Variants in SPON1 observed in about 807,000 individuals in gnomAD.
SPON1 encodes spondin-1.
SPON1 carries 52 observed loss-of-function variants against 111.7 expected under a neutral mutation model. The observed-to-expected ratio is 0.47, with a 90% CI of 0.37 to 0.59. The LOEUF (loss-of-function observed/expected upper bound fraction) is 0.59, where lower values mean the gene tolerates loss of function less well. Among genes scored for constraint, SPON1 ranks in the 20% least tolerant of loss-of-function variants. The probability of loss-of-function intolerance (pLI) is 0.00; values close to 1 mark genes in which losing one functional copy is unlikely to be tolerated. For missense variants in SPON1, 957 were observed against 1,068.5 expected, an observed-to-expected ratio of 0.90 and a Z score of 1.46; for synonymous variants, 410 against 395.8, an observed-to-expected ratio of 1.04 and a Z score of -0.43.
At chr11:14,256,816 G>A in intron 10 of SPON1, 124 bp downstream of exon 10, 2 of 722,048 alleles carry the variant, frequency 2.8e-6, no homozygotes, top group South Asian at 3.8e-5. Flanking sequence ...ATATCTCTGA[G>A]GATTTCTCCT....
intron 2 of SPON1, among the ~76,000 whole-genome samples, chr11:13,990,828 T>C (rs929491372): frequency 1.3e-5 from 2 of 152,216 alleles, no homozygotes; most frequent in South Asian, 4.1e-4. Flanking sequence ...CCTTCACTTA[T>C]GAAGCTTAGT....
intron 3 of SPON1, among the ~76,000 whole-genome samples, chr11:14,060,987 G>A (rs882667): frequency 0.55 from 84,184 of 151,910 alleles, 24,039 homozygotes; most frequent in African/African-American, 0.68. Context: ...AATAAATAGT[G>A]ACACAAGGTT....
chr11:14,237,646 C>T (rs1554939324), intron 6 of SPON1, among the ~76,000 whole-genome samples: 1 of 152,230 alleles, frequency 6.6e-6, no homozygotes, highest in African/African-American at 2.4e-5. Flanking sequence ...GTGTGTGTGG[C>T]TGCGTATCAC....
chr11:13,985,320 A>T (rs1196655655), intron 2 of SPON1, among the ~76,000 whole-genome samples: 1 of 152,240 alleles, frequency 6.6e-6, no homozygotes, highest in Admixed American at 6.5e-5. Context: ...TATGATAACG[A>T]CAATAGCTAA....
intron 3 of SPON1, among the ~76,000 whole-genome samples, chr11:14,046,279 T>C (rs1260529325): frequency 1.3e-5 from 2 of 152,174 alleles, no homozygotes; most frequent in African/African-American, 4.8e-5. Context: ...TTTCTCTAAT[T>C]CCTTGTGGAC....
At chr11:14,248,542 A>G (rs1849018491) in intron 7 of SPON1, among the ~76,000 whole-genome samples, 1 of 152,250 alleles carries the variant, frequency 6.6e-6, no homozygotes, top group African/African-American at 2.4e-5. Context: ...ACTCGGCGCT[A>G]CTGGCTTGTT....
At position 14,168,725 on chromosome 11, in the gene SPON1, C is replaced by T. The variant is rs183441025; in HGVS notation, c.825+33157C>T. Among the ~76,000 whole-genome samples the T allele has an allele frequency of 1.8e-3, 246 of 135,784 alleles. 2 individuals are homozygous for T. The East Asian group carries it at 0.054, about 30-fold the overall frequency. The allele number at this position is 135,784 out of a possible 152,430, so 89.1% of individuals were successfully genotyped here. A position where few individuals can be genotyped will look rare whatever the true frequency, so the allele number is the denominator to read the frequency against. ...GTCCATGTGTTCTCATTGTTCAATTCCCACCTATGAGTGAGAACATGTGGT... is the reference window on the plus strand; with the variant it reads ...GTCCATGTGTTCTCATTGTTCAATTTCCACCTATGAGTGAGAACATGTGGT... On this transcript the variant is annotated intron_variant, in intron 6 of 15. Coordinates refer to ENST00000576479, the MANE Select transcript of SPON1 (RefSeq NM_006108.4).
intron 5 of SPON1, among the ~76,000 whole-genome samples, chr11:14,095,224 A>G (rs1849089647): frequency 6.6e-6 from 1 of 152,158 alleles, no homozygotes; most frequent in Non-Finnish European, 1.5e-5. Context: ...TAGCTTGTCT[A>G]GTTTTTTCCC....
At chr11:14,142,337 A>G (rs1349076660) in intron 6 of SPON1, among the ~76,000 whole-genome samples, 3 of 152,116 alleles carry the variant, frequency 2.0e-5, no homozygotes, top group African/African-American at 7.2e-5. Flanking sequence ...TCAGTGTGAA[A>G]AGGTCCAGAG....
intron 5 of SPON1, among the ~76,000 whole-genome samples, chr11:14,110,454 T>C (rs55856154): frequency 0.027 from 4,085 of 152,236 alleles, 80 homozygotes; most frequent in Non-Finnish European, 0.044. Flanking sequence ...CAATAAGATA[T>C]ATGTATATAA....
At chr11:14,172,727 T>G (rs1365969492) in intron 6 of SPON1, among the ~76,000 whole-genome samples, 19 of 151,676 alleles carry the variant, frequency 1.3e-4, no homozygotes, top group Admixed American at 2.0e-4. Context: ...GTCTGTAAAG[T>G]ATTTTATTTC....
At chr11:14,189,744 G>A (rs1452580788) in intron 6 of SPON1, among the ~76,000 whole-genome samples, 2 of 152,188 alleles carry the variant, frequency 1.3e-5, no homozygotes. Context: ...AGATTTTGAT[G>A]TCAAAGTTTA....
chr11:14,120,841 T>G (rs1409505111), intron 5 of SPON1, among the ~76,000 whole-genome samples: 1 of 152,214 alleles, frequency 6.6e-6, no homozygotes, highest in Non-Finnish European at 1.5e-5. Context: ...CCATAGAAGA[T>G]AGGTACTATT....
intron 3 of SPON1, among the ~76,000 whole-genome samples, chr11:14,049,809 G>A (rs555541810): frequency 5.3e-5 from 8 of 152,120 alleles, no homozygotes; most frequent in Non-Finnish European, 1.0e-4. Context: ...TCAAAGTTAC[G>A]TATGGTCTTT....
At chr11:14,069,446 C>A (rs918442367) in intron 3 of SPON1, among the ~76,000 whole-genome samples, 5 of 152,144 alleles carry the variant, frequency 3.3e-5, no homozygotes, top group Non-Finnish European at 7.4e-5. Context: ...TTTCTCAGTT[C>A]TGACCTTCAG....
rs542932881 is a variant in SPON1, at chr11:14,102,903, T to C, written c.676+22882T>C. Among the ~76,000 whole-genome samples the C allele has an allele frequency of 7.2e-5, 11 of 152,344 alleles. No individual in the cohort carries two copies. In the South Asian group the frequency reaches 2.3e-3, roughly 32 times the overall value. On this transcript the variant is annotated intron_variant, in intron 5 of 15. Transcript: ENST00000576479. Reference sequence around the variant, plus strand: ...AACATGCTCCCGATCTTTGAGAATATGTATTGTGCTTCTGTTAAATTTTTG... The same window carrying C: ...AACATGCTCCCGATCTTTGAGAATACGTATTGTGCTTCTGTTAAATTTTTG...
intron 6 of SPON1, among the ~76,000 whole-genome samples, chr11:14,146,659 A>T (rs1847722924): frequency 6.6e-6 from 1 of 152,190 alleles, no homozygotes; most frequent in Non-Finnish European, 1.5e-5. Flanking sequence ...AAAATGTTTG[A>T]AAAAGCATAT....
intron 6 of SPON1, among the ~76,000 whole-genome samples, chr11:14,184,054 T>C (rs530241829): frequency 1.3e-5 from 2 of 152,172 alleles, no homozygotes; most frequent in African/African-American, 2.4e-5. Flanking sequence ...TAGTATTATG[T>C]CAAACATCCA....
Position 13,982,852 on chromosome 11 carries a change from CT to C in SPON1, c.247del (p.Ser83GlnfsTer13). ...YKPGTSYRVTLSAAPPSYFRG... is the reference protein window; with the variant it reads ...YKPGTSYRVTXSAAPPSYFRG... ...GCTTTTTTCTCTCTCTGCAGTAACA[CT>C]TTCAGCTGCTCCTCCCTCCTACTTC... On this transcript the variant is annotated frameshift_variant, in exon 2 of 16. Coordinates refer to ENST00000576479, the MANE Select transcript of SPON1 (RefSeq NM_006108.4). LOFTEE classifies it high-confidence loss of function. The C allele has an allele frequency of 6.4e-7, 1 of 1,555,042 alleles. No homozygotes were observed. The highest frequency in any genetic ancestry group is 8.7e-7 in the Non-Finnish European group (1 of 1,147,440).
Sources: gnomAD v4.1 joint callset for allele counts (sites outside exome capture counted in the v4.1 genomes callset) on GRCh38, gnomAD v4.1.1 for gene constraint, MANE v1.5 for transcripts, NCBI Gene and HGNC (gene_info 2026-07-23, HGNC 2026-07-21) for gene names.